Variants in MYCBP2 observed in about 807,000 individuals in gnomAD.
The protein encoded by MYCBP2 is MYC binding protein 2, also known as E3 ubiquitin-protein ligase MYCBP2.
A neutral mutation model predicts 525.3 loss-of-function variants in MYCBP2; 120 were observed. That is an observed-to-expected ratio of 0.23 (90% CI 0.20 to 0.27). The LOEUF is 0.27. Among genes scored for constraint, MYCBP2 ranks in the 10% least tolerant of loss-of-function variants. The pLI, the probability that MYCBP2 is intolerant of heterozygous loss-of-function variation, is 1.00. For missense variants in MYCBP2, 4,149 were observed against 5,657.1 expected, an observed-to-expected ratio of 0.73 and a Z score of 8.55; for synonymous variants, 1,894 against 1,955.8, an observed-to-expected ratio of 0.97 and a Z score of 0.83.
At chr13:77,232,189 T>A (rs1374931916) in intron 18 of MYCBP2, among the ~76,000 whole-genome samples, 1 of 152,194 alleles carries the variant, frequency 6.6e-6, no homozygotes, top group African/African-American at 2.4e-5. Context: ...GAAATTTTTT[T>A]AAATTAGACT....
intron 53 of MYCBP2, 104 bp downstream of exon 53, chr13:77,126,214 T>C (rs1372805650): frequency 1.5e-5 from 13 of 873,996 alleles, no homozygotes; most frequent in Admixed American, 2.9e-5. Context: ...TACATTAACA[T>C]TGAAAAACCT....
intron 55 of MYCBP2, among the ~76,000 whole-genome samples, chr13:77,117,566 A>C (rs2049997935): frequency 6.6e-6 from 1 of 152,146 alleles, no homozygotes; most frequent in African/African-American, 2.4e-5. Context: ...TTACCAAAGC[A>C]AAGAGGTTGT....
chr13:77,227,475 CACACAT>C (rs1219790284), intron 18 of MYCBP2, among the ~76,000 whole-genome samples: 46 of 105,696 alleles, frequency 4.4e-4, no homozygotes, highest in African/African-American at 1.4e-3. Flanking sequence ...CACACACACA[CACACAT>C]ACACACACAC....
intron 14 of MYCBP2, among the ~76,000 whole-genome samples, chr13:77,256,441 G>C (rs1182360036): frequency 6.6e-6 from 1 of 151,940 alleles, no homozygotes; most frequent in East Asian, 1.9e-4. Flanking sequence ...AAAATCTAAA[G>C]TGTATTTGTT....
At chr13:77,052,066 C>A in intron 80 of MYCBP2, 148 bp from the exon 81 acceptor site, 1 of 618,352 alleles carries the variant, frequency 1.6e-6, no homozygotes, top group Non-Finnish European at 2.9e-6. Context: ...AAGTGCATGC[C>A]CATATTGCTT....
At chr13:77,279,480 A>G (rs2075969059) in intron 3 of MYCBP2, among the ~76,000 whole-genome samples, 1 of 152,206 alleles carries the variant, frequency 6.6e-6, no homozygotes, top group African/African-American at 2.4e-5. Context: ...GCAATGAATG[A>G]GTTTAAGGAT....
intron 15 of MYCBP2, among the ~76,000 whole-genome samples, chr13:77,246,220 G>C (rs187433512): frequency 9.2e-5 from 14 of 152,228 alleles, no homozygotes; most frequent in Admixed American, 9.2e-4. Context: ...AAAAGACATA[G>C]CTAGACACCC....
chr13:77,165,953 T>A (rs1427202998), intron 41 of MYCBP2, among the ~76,000 whole-genome samples: 2 of 152,198 alleles, frequency 1.3e-5, no homozygotes, highest in African/African-American at 2.4e-5. Flanking sequence ...TCTCTTACAA[T>A]GAAGGACTTC....
At chr13:77,244,389 T>G (rs1469449188) in intron 15 of MYCBP2, among the ~76,000 whole-genome samples, 2 of 152,192 alleles carry the variant, frequency 1.3e-5, no homozygotes, top group African/African-American at 4.8e-5. Context: ...AGCCTAAGCT[T>G]GCCAGCTTCA....
intron 80 of MYCBP2, among the ~76,000 whole-genome samples, 173 bp from the exon 81 acceptor site, chr13:77,052,091 G>A (rs1026551497): frequency 1.3e-4 from 20 of 152,128 alleles, no homozygotes; most frequent in African/African-American, 4.8e-4. Context: ...ACTGTATGTA[G>A]GGTGGATCAG....
chr13:77,286,384 G>A (rs1284409303), intron 3 of MYCBP2, among the ~76,000 whole-genome samples: 1 of 151,942 alleles, frequency 6.6e-6, no homozygotes, highest in African/African-American at 2.4e-5. Flanking sequence ...GTCATATAAA[G>A]GCACCATTTA....
chr13:77,181,890 A>G lies in MYCBP2; in HGVS notation c.4752T>C (p.Ser1584=). 6.2e-7 allele frequency: 1 copy of G among 1,613,922 alleles called. No individual in the cohort carries two copies. The highest frequency in any genetic ancestry group is 1.1e-5 in the South Asian group (1 of 91,070). ...DIQEANFKTS[S]SRLLAAVMSA... ...ACATAACAGCTGCAAGGAGTCGGCTACTTGATGTCTTGAAGTTTGCTTCTT... is the reference window on the plus strand; with the variant it reads ...ACATAACAGCTGCAAGGAGTCGGCTGCTTGATGTCTTGAAGTTTGCTTCTT... Residue 1584 remains serine (S), a synonymous_variant, in exon 33 of 83, where the codon AGT becomes AGC. Transcript: ENST00000544440.
chr13:77,162,893 G>A (rs2058105892), intron 43 of MYCBP2, among the ~76,000 whole-genome samples: 2 of 152,180 alleles, frequency 1.3e-5, no homozygotes, highest in Non-Finnish European at 2.9e-5. Context: ...CTGACCTTGT[G>A]ATCCACCCAC....
chr13:77,107,436 A>G (rs2048015966), intron 55 of MYCBP2, among the ~76,000 whole-genome samples: 1 of 152,096 alleles, frequency 6.6e-6, no homozygotes, highest in Non-Finnish European at 1.5e-5. Flanking sequence ...GCTTCATAGG[A>G]TTTTTCAGAA....
intron 63 of MYCBP2, chr13:77,082,317 C>T (rs2043441137): frequency 5.0e-6 from 1 of 200,242 alleles, no homozygotes; most frequent in African/African-American, 2.3e-5. Context: ...CTGCAACAAC[C>T]CCTCAAATTT....
At chr13:77,307,600 T>A (rs947822528) in intron 1 of MYCBP2, among the ~76,000 whole-genome samples, 4 of 116,730 alleles carry the variant, frequency 3.4e-5, no homozygotes, top group Non-Finnish European at 4.8e-5. Flanking sequence ...CACCCCAGCC[T>A]GGATGACAAA....
chr13:77,206,746 G>T lies in MYCBP2; in HGVS notation c.3496C>A (p.Gln1166Lys). 1 of 1,612,692 alleles carries T rather than the reference G, an allele frequency of 6.2e-7. No homozygotes were observed. The highest frequency in any genetic ancestry group is 8.5e-7 in the Non-Finnish European group (1 of 1,179,172). Residue 1166 changes from glutamine (Q) to lysine (K), a missense_variant, in exon 24 of 83, where the codon CAG becomes AAG. Transcript: ENST00000544440. ...GGACTTAGGATACTACATCTGGACT[G>T]CATGTCTGCTGCAGAGGGAAGCCTG... ...DARLPSAADMQSRCSILSPEL... is the reference protein window; with the variant it reads ...DARLPSAADMKSRCSILSPEL...
intron 23 of MYCBP2, 83 bp from the exon 24 acceptor site, chr13:77,206,908 A>G: frequency 8.3e-7 from 1 of 1,201,846 alleles, no homozygotes; most frequent in Non-Finnish European, 1.1e-6. Context: ...GATGATACAA[A>G]GAGAATAAAT....
At chr13:77,164,640 G>A (rs370841131) in intron 42 of MYCBP2, 99 bp from the exon 43 acceptor site, 34 of 762,178 alleles carry the variant, frequency 4.5e-5, no homozygotes, top group East Asian at 1.3e-4. Context: ...CTTTTGAAAT[G>A]AGAAGGAAGC....
Sources: gnomAD v4.1 joint callset for allele counts (sites outside exome capture counted in the v4.1 genomes callset) on GRCh38, gnomAD v4.1.1 for gene constraint, MANE v1.5 for transcripts, NCBI Gene and HGNC (gene_info 2026-07-23, HGNC 2026-07-21) for gene names.